LIMS1: variants seen among roughly 807,000 people sequenced by gnomAD.
The protein encoded by LIMS1 is LIM zinc finger domain containing 1.
LIMS1 carries 18 observed loss-of-function variants against 44.1 expected under a neutral mutation model. That is an observed-to-expected ratio of 0.41 (90% confidence interval 0.28 to 0.61). The LOEUF (loss-of-function observed/expected upper bound fraction) is 0.61, where lower values mean the gene tolerates loss of function less well. Ranked by LOEUF, LIMS1 falls within the 20% of genes least tolerant of loss-of-function variation. LIMS1 has a pLI of 0.32. For missense variants in LIMS1, 201 were observed against 422.0 expected (o/e 0.48, Z 4.59); for synonymous variants, 93 against 149.1 (o/e 0.62, Z 2.74).
intron 2 of LIMS1, among the ~76,000 whole-genome samples, chr2:108,670,052 A>T (rs1429296474): frequency 6.6e-6 from 1 of 152,168 alleles, no homozygotes; most frequent in Non-Finnish European, 1.5e-5. Context: ...GAAAAGTATG[A>T]TAGGGTGATC....
chr2:108,676,056 A>G (rs1692537896), intron 6 of LIMS1, 28 bp downstream of exon 6: 1 of 1,587,004 alleles, frequency 6.3e-7, no homozygotes, highest in Non-Finnish European at 8.6e-7. Flanking sequence ...AAGGGTAACC[A>G]ATCCTTTCAA....
chr2:108,640,563 G>T (rs2148917135), intron 1 of LIMS1, among the ~76,000 whole-genome samples: 1 of 152,232 alleles, frequency 6.6e-6, no homozygotes, highest in South Asian at 2.1e-4. Flanking sequence ...GTACACCTCT[G>T]CCTGGGGCTC....
intron 1 of LIMS1, among the ~76,000 whole-genome samples, chr2:108,606,031 C>T (rs1445938320): frequency 6.6e-6 from 1 of 152,216 alleles, no homozygotes; most frequent in African/African-American, 2.4e-5. Context: ...GTTCCTGCTG[C>T]CAGCTCTGCC....
At chr2:108,587,468 G>T (rs1686166008) in intron 1 of LIMS1, among the ~76,000 whole-genome samples, 1 of 152,134 alleles carries the variant, frequency 6.6e-6, no homozygotes, top group Non-Finnish European at 1.5e-5. Flanking sequence ...AGAGCACTGA[G>T]ATTACAGGCA....
At chr2:108,601,240 G>A (rs1048366697) in intron 1 of LIMS1, among the ~76,000 whole-genome samples, 1 of 152,034 alleles carries the variant, frequency 6.6e-6, no homozygotes, top group South Asian at 2.1e-4. Flanking sequence ...AGGGGAGAAG[G>A]GAAAAGATAT....
chr2:108,554,499 A>G (rs1209092556), intron 1 of LIMS1, among the ~76,000 whole-genome samples: 1 of 152,204 alleles, frequency 6.6e-6, no homozygotes, highest in Non-Finnish European at 1.5e-5. Context: ...CTTAACATAG[A>G]TGGGGTGATA....
intron 2 of LIMS1, 37 bp from the exon 3 acceptor site, chr2:108,670,744 T>A (rs1386031343): frequency 7.4e-6 from 12 of 1,611,848 alleles, no homozygotes. Flanking sequence ...CCTGTGATTG[T>A]TTCGTGTTTG....
At chr2:108,551,793 T>G (rs968301547) in intron 1 of LIMS1, among the ~76,000 whole-genome samples, 1 of 146,246 alleles carries the variant, frequency 6.8e-6, no homozygotes, top group Non-Finnish European at 1.5e-5. Flanking sequence ...TATACAGATA[T>G]ATCTGTATAT....
At chr2:108,596,788 A>G (rs1686717953) in intron 1 of LIMS1, among the ~76,000 whole-genome samples, 1 of 152,194 alleles carries the variant, frequency 6.6e-6, no homozygotes, top group East Asian at 1.9e-4. Context: ...ACGCCATTGC[A>G]CAGCCTGGAC....
chr2:108,555,139 G>C (rs1262253305), intron 1 of LIMS1, among the ~76,000 whole-genome samples: 1 of 152,184 alleles, frequency 6.6e-6, no homozygotes, highest in Non-Finnish European at 1.5e-5. Flanking sequence ...CGTGGTGACT[G>C]TTTATGGTCT....
rs1055709082 is a variant in LIMS1 at position 108,639,042 on chromosome 2, C to CA, written c.33-20550dup. 1.8e-3 allele frequency among the ~76,000 whole-genome samples: 253 copies of CA among 137,998 alleles called. 1 individual carries two copies. Among genetic ancestry groups the CA allele is most frequent in the Middle Eastern group, 0.015 (4 of 274 alleles). 90.5% of individuals were successfully genotyped at this position (137,998 alleles called of 152,430 possible). The stretch of plus-strand genomic sequence containing the variant: ...TGGGTGACAGAGTGAGACTCCGTCT[C>CA]AAAAAAAAAAAAATGTCTACTTAAG... On this transcript the variant is annotated intron_variant, in intron 1 of 9. Coordinates refer to ENST00000544547, the Ensembl canonical transcript of LIMS1.
intron 6 of LIMS1, 147 bp downstream of exon 6, chr2:108,676,175 C>A: frequency 9.3e-7 from 1 of 1,075,344 alleles, no homozygotes; most frequent in South Asian, 1.7e-5. Flanking sequence ...TTAGGAGACT[C>A]TAAAGATTAA....
At chr2:108,629,957 C>CT (rs1688802640) in intron 1 of LIMS1, among the ~76,000 whole-genome samples, 2 of 152,152 alleles carry the variant, frequency 1.3e-5, no homozygotes, top group African/African-American at 2.4e-5. Flanking sequence ...CTTTGGGAGG[C>CT]CAAGCCGGGT....
chr2:108,551,485 G>GCA (rs1558783695), intron 1 of LIMS1, among the ~76,000 whole-genome samples: 2 of 97,320 alleles, frequency 2.1e-5, no homozygotes, highest in African/African-American at 4.2e-5. Context: ...ATATATGCGC[G>GCA]CGCGCGCACA....
intron 1 of LIMS1, among the ~76,000 whole-genome samples, chr2:108,548,137 A>G (rs1042300243): frequency 1.1e-4 from 17 of 152,230 alleles, no homozygotes; most frequent in Admixed American, 5.9e-4. Context: ...ACTGAGGATA[A>G]TGATGAAAAA....
At position 108,680,782 on chromosome 2, in the gene LIMS1, G is replaced by T. The variant is rs1227670523; in HGVS notation, c.899+12G>T. 6.2e-7 allele frequency: 1 copy of T among 1,605,506 alleles called. No individual in the cohort carries two copies. Among genetic ancestry groups the T allele is most frequent in the Non-Finnish European group, 8.5e-7 (1 of 1,177,832 alleles). Reference sequence around the variant, plus strand: ...AAATTAACACTCAAGTAAGTGTACGGTTTTGTCCAGTGTGAATCCTAAGAC... The same window carrying T: ...AAATTAACACTCAAGTAAGTGTACGTTTTTGTCCAGTGTGAATCCTAAGAC... On this transcript the variant is annotated intron_variant, in intron 9 of 9. Coordinates refer to ENST00000544547, the Ensembl canonical transcript of LIMS1.
chr2:108,624,621 G>A (rs1205437468), intron 1 of LIMS1, among the ~76,000 whole-genome samples: 1 of 152,126 alleles, frequency 6.6e-6, no homozygotes. Flanking sequence ...GCTGGACGTG[G>A]TGGCAAGCGC....
intron 1 of LIMS1, chr2:108,621,145 C>T: frequency 1.2e-6 from 1 of 801,342 alleles, no homozygotes; most frequent in Non-Finnish European, 1.8e-6. Flanking sequence ...GTGCGAGGCC[C>T]AGAGATAAGG....
At chr2:108,596,216 CTT>C (rs1412307267) in intron 1 of LIMS1, among the ~76,000 whole-genome samples, 1 of 152,176 alleles carries the variant, frequency 6.6e-6, no homozygotes, top group African/African-American at 2.4e-5. Context: ...AATTAATACT[CTT>C]AGTATTAATA....
Sources: allele counts gnomAD v4.1 joint callset (sites outside exome capture counted in the v4.1 genomes callset), GRCh38; gene constraint gnomAD v4.1.1; transcripts MANE v1.5; gene names NCBI Gene and HGNC (gene_info 2026-07-23, HGNC 2026-07-21).